Variants in PLCG2 observed in about 807,000 individuals in gnomAD.
PLCG2 encodes phospholipase C gamma 2, also known as 1-phosphatidylinositol 4,5-bisphosphate phosphodiesterase gamma-2.
PLCG2 carries 69 observed loss-of-function variants against 175.6 expected under a neutral mutation model. The observed-to-expected ratio is 0.39, with a 90% confidence interval of 0.32 to 0.48. The LOEUF (loss-of-function observed/expected upper bound fraction) is 0.48. Among genes scored for constraint, PLCG2 ranks in the 20% least tolerant of loss-of-function variants. The probability of loss-of-function intolerance (pLI) is 0.91; values close to 1 mark genes in which losing one functional copy is unlikely to be tolerated. For missense variants in PLCG2, 1,798 were observed against 1,650.9 expected, an observed-to-expected ratio of 1.09 and a Z score of -1.54; for synonymous variants, 827 against 624.0, an observed-to-expected ratio of 1.33 and a Z score of -4.85.
At chr16:81,802,834 G>A (rs1029733442) in intron 2 of PLCG2, among the ~76,000 whole-genome samples, 9 of 152,158 alleles carry the variant, frequency 5.9e-5, no homozygotes, top group African/African-American at 1.7e-4. Context: ...GCCTCCCAAA[G>A]TGCAAAAGAA....
rs991295701 is a variant in PLCG2 at position 81,960,561 on chromosome 16, A to G, written c.*2563A>G. Reference sequence around the variant, plus strand: ...TATAAAAACTAAATAAAGTTTTTCTACTGTGAGACTAGATGTGCAGGAGTG... The same window carrying G: ...TATAAAAACTAAATAAAGTTTTTCTGCTGTGAGACTAGATGTGCAGGAGTG... On this transcript the variant is annotated 3_prime_UTR_variant, in exon 33 of 33. Transcript: ENST00000564138. 2 of 231,476 alleles carry G rather than the reference A, an allele frequency of 8.6e-6. No homozygotes were observed. Among genetic ancestry groups the G allele is most frequent in the African/African-American group, 2.2e-5 (1 of 45,242 alleles). The allele number at this position is 231,476 out of a possible 1,614,324, so 14.3% of individuals were successfully genotyped here.
At position 81,919,581 on chromosome 16, in the gene PLCG2, A is replaced by G. The variant is rs767628464; in HGVS notation, c.2152A>G (p.Ser718Gly). 7 of 1,613,972 alleles carry G rather than the reference A, an allele frequency of 4.3e-6. No homozygotes were observed. Among genetic ancestry groups the G allele is most frequent in the Non-Finnish European group, 5.9e-6 (7 of 1,179,968 alleles). Reference sequence around the variant, plus strand: ...TTTTGAGAGTCTGGTGGAGCTCGTCAGTTACTACGAGAAGCATTCACTCTA... The same window carrying G: ...TTTTGAGAGTCTGGTGGAGCTCGTCGGTTACTACGAGAAGCATTCACTCTA... Reference protein sequence around the residue: ...AYFESLVELVSYYEKHSLYRK... With the variant: ...AYFESLVELVGYYEKHSLYRK... Residue 718 changes from serine to glycine, a missense_variant, in exon 20 of 33, where the codon AGT becomes GGT. Coordinates refer to ENST00000564138, the MANE Select transcript of PLCG2 (RefSeq NM_002661.5).
At position 81,956,697 on chromosome 16, in the gene PLCG2, G is replaced by C. The variant is rs201682723; in HGVS notation, c.3573G>C (p.Glu1191Asp). 1.2e-5 allele frequency: 20 copies of C among 1,613,626 alleles called. No homozygotes were observed. The highest frequency in any genetic ancestry group is 1.7e-5 in the Admixed American group (1 of 60,022). The change falls in exon 32 of 33, where the codon GAG becomes GAC. Residue 1191 changes from glutamate (E) to aspartate (D), a missense_variant and splice_region_variant. Coordinates refer to ENST00000564138, the MANE Select transcript of PLCG2 (RefSeq NM_002661.5). ...LVFCEMRPVLESEEELYSSCR... is the reference protein window; with the variant it reads ...LVFCEMRPVLDSEEELYSSCR... ...GTTCTCTCCCCTGCATCCTCCAGGAGAGCGAAGAGGAACTTTACTCCTCCT... is the reference window on the plus strand; with the variant it reads ...GTTCTCTCCCCTGCATCCTCCAGGACAGCGAAGAGGAACTTTACTCCTCCT...
intron 2 of PLCG2, among the ~76,000 whole-genome samples, chr16:81,849,612 C>G (rs56019161): frequency 0.084 from 12,827 of 151,854 alleles, 607 homozygotes; most frequent in Middle Eastern, 0.14. Context: ...TACACATACA[C>G]ACACACAAAT....
At chr16:81,870,348 G>A (rs973269578) in intron 6 of PLCG2, among the ~76,000 whole-genome samples, 18 of 152,178 alleles carry the variant, frequency 1.2e-4, no homozygotes, top group Admixed American at 1.2e-3. Flanking sequence ...ATTGCCCAAA[G>A]CCATAAAGCA....
At chr16:81,810,204 TG>T in intron 2 of PLCG2, among the ~76,000 whole-genome samples, 1 of 152,282 alleles carries the variant, frequency 6.6e-6, no homozygotes, top group South Asian at 2.1e-4. Context: ...TTGGCCAGGA[TG>T]GTTTCTATCT....
At chr16:81,789,187 C>G (rs896936431) in intron 2 of PLCG2, among the ~76,000 whole-genome samples, 1 of 152,210 alleles carries the variant, frequency 6.6e-6, no homozygotes, top group Non-Finnish European at 1.5e-5. Context: ...TCTTCTGAAG[C>G]TCATTGTGAT....
rs546763067 is a variant in PLCG2 at position 81,828,650 on chromosome 16, G to A, written c.194-25794G>A. Among the ~76,000 whole-genome samples the A allele has an allele frequency of 3.3e-5, 5 of 152,232 alleles. No individual in the cohort carries two copies. The South Asian group carries it at 6.2e-4, about 19-fold the overall frequency. ...GGTCAGCAGAGGGTCTTGAGAAAAG[G>A]TTGCTTTTACAACCTTAAGCAAGTT... On this transcript the variant is annotated intron_variant, in intron 2 of 32. Transcript: ENST00000564138.
chr16:81,789,700 A>G (rs1911139974), intron 2 of PLCG2, among the ~76,000 whole-genome samples: 1 of 152,170 alleles, frequency 6.6e-6, no homozygotes, highest in African/African-American at 2.4e-5. Flanking sequence ...TATTATTATA[A>G]TAAGTCCCCC....
rs142052005 is a variant in PLCG2 at position 81,914,258 on chromosome 16, G to A, written c.2054+1542G>A. On this transcript the variant is annotated intron_variant, in intron 19 of 32. Transcript: ENST00000564138. ...GAGACAGCTCTGACACAACCGGATC[G>A]GGGCCTCACCTGATGATGGTCAGGA... Among the ~76,000 whole-genome samples the A allele has an allele frequency of 5.3e-3, 814 of 152,320 alleles. 10 individuals are homozygous for A. Among genetic ancestry groups the A allele is most frequent in the African/African-American group, 0.018 (761 of 41,568 alleles).
At chr16:81,762,057 A>ACTCCTGAC (rs1016907019) in intron 2 of PLCG2, among the ~76,000 whole-genome samples, 8 of 150,982 alleles carry the variant, frequency 5.3e-5, no homozygotes, top group Non-Finnish European at 1.5e-5. Context: ...GTTGTCTGGA[A>ACTCCTGAC]CTCCTGACCT....
In PLCG2 at chr16:81,960,617, C is replaced by T. The variant is rs1025249214; in HGVS notation, c.*2619C>T. ...TGTAGAGGGTCTTGTTTTCCAAATT[C>T]GATCTCAGAATCTTTTTGCCAGAAG... is the stretch of plus-strand genomic sequence containing the variant. On this transcript the variant is annotated 3_prime_UTR_variant, in exon 33 of 33. Transcript: ENST00000564138. 6 of 231,174 alleles carry T rather than the reference C, an allele frequency of 2.6e-5. No homozygotes were observed. The highest frequency in any genetic ancestry group is 2.3e-4 in the Admixed American group (4 of 17,722). 14.3% of individuals were successfully genotyped at this position (231,174 alleles called of 1,614,324 possible). A position where few individuals can be genotyped will look rare whatever the true frequency, so the allele number is the denominator to read the frequency against.
At chr16:81,947,378 G>C (rs1049362670) in intron 31 of PLCG2, among the ~76,000 whole-genome samples, 1 of 152,164 alleles carries the variant, frequency 6.6e-6, no homozygotes, top group African/African-American at 2.4e-5. Context: ...TTCCACATCT[G>C]TCACCTGGTT....
intron 13 of PLCG2, chr16:81,897,851 G>A (rs1465639537): frequency 2.2e-6 from 1 of 455,740 alleles, no homozygotes; most frequent in Non-Finnish European, 4.4e-6. Flanking sequence ...AACCCGATTG[G>A]TTATTTTTAT....
intron 18 of PLCG2, among the ~76,000 whole-genome samples, chr16:81,911,597 C>CTAATTAATTAATTAAT (rs58191847): frequency 1.4e-5 from 2 of 146,454 alleles, no homozygotes; most frequent in Non-Finnish European, 3.0e-5. Context: ...CTGTGCCCAG[C>CTAATTAATTAATTAAT]TAATTAATTA....
intron 2 of PLCG2, among the ~76,000 whole-genome samples, chr16:81,836,894 AGG>A (rs1342766108): frequency 6.6e-6 from 1 of 152,224 alleles, no homozygotes; most frequent in Admixed American, 6.5e-5. Flanking sequence ...CACAGGTGTC[AGG>A]ACCCCTGCTG....
chr16:81,870,372 G>A (rs1474816724), intron 6 of PLCG2, among the ~76,000 whole-genome samples: 1 of 152,214 alleles, frequency 6.6e-6, no homozygotes, highest in Non-Finnish European at 1.5e-5. Flanking sequence ...AATTGGAGCT[G>A]AGTTCTGTCT....
chr16:81,860,172 A>AT lies in PLCG2; in HGVS notation c.479+1024dup, dbSNP rs1555513300. Among the ~76,000 whole-genome samples, 141 of 120,602 alleles carry AT rather than the reference A, an allele frequency of 1.2e-3. 1 individual carries two copies. The highest frequency in any genetic ancestry group is 2.9e-3 in the African/African-American group (93 of 32,306). The allele number at this position is 120,602 out of a possible 152,430, so 79.1% of individuals were successfully genotyped here. A position where few individuals can be genotyped will look rare whatever the true frequency, so the allele number is the denominator to read the frequency against. The stretch of plus-strand genomic sequence containing the variant: ...TATTATTATTATTATTATTATTATT[A>AT]TTTTTTTTTTTTTTTGTAAAGGTGA... On this transcript the variant is annotated intron_variant, in intron 5 of 32. Transcript: ENST00000564138.
chr16:81,893,059 C>G (rs1908713301), intron 11 of PLCG2, among the ~76,000 whole-genome samples: 1 of 152,104 alleles, frequency 6.6e-6, no homozygotes, highest in East Asian at 1.9e-4. Flanking sequence ...CAGAATTTCA[C>G]TATGTTGGCC....
Sources: allele counts gnomAD v4.1 joint callset (sites outside exome capture counted in the v4.1 genomes callset), GRCh38; gene constraint gnomAD v4.1.1; transcripts MANE v1.5; gene names NCBI Gene and HGNC (gene_info 2026-07-23, HGNC 2026-07-21).